The following CACNA2D3 variants were observed in gnomAD, a reference collection of about 807,000 sequenced individuals.
CACNA2D3 encodes the protein calcium voltage-gated channel auxiliary subunit alpha2delta 3.
Under a neutral mutation model 160.6 loss-of-function variants are expected in CACNA2D3, and 60 were observed. That is an observed-to-expected ratio of 0.37 (90% CI 0.30 to 0.46). The LOEUF is 0.46. Ranked by LOEUF, CACNA2D3 falls within the 20% of genes least tolerant of loss-of-function variation. The pLI, the probability that CACNA2D3 is intolerant of heterozygous loss-of-function variation, is 1.00. For synonymous variants in CACNA2D3, 558 were observed against 492.9 expected (o/e 1.13, Z -1.75); for missense variants, 1,205 against 1,365.0 (o/e 0.88, Z 1.85).
intron 3 of CACNA2D3, among the ~76,000 whole-genome samples, chr3:54,382,372 G>A (rs371736238): frequency 1.3e-5 from 2 of 152,162 alleles, no homozygotes; most frequent in Non-Finnish European, 2.9e-5. Context: ...AATGACATTT[G>A]CTAAGAAAAG....
rs116423616 is a variant in CACNA2D3, at chr3:54,932,980, C to T, written c.2449+33112C>T. On this transcript the variant is annotated intron_variant, in intron 27 of 37. Coordinates refer to ENST00000474759, the MANE Select transcript of CACNA2D3 (RefSeq NM_018398.3). ...TTCCTAGGAATTGTGGATGACCAAA[C>T]GGCACCCAGGTACACAGTTTATACA... 4.6e-3 allele frequency among the ~76,000 whole-genome samples: 700 copies of T among 152,248 alleles called. 8 individuals carry two copies. Among genetic ancestry groups the T allele is most frequent in the African/African-American group, 0.016 (651 of 41,540 alleles).
intron 4 of CACNA2D3, among the ~76,000 whole-genome samples, chr3:54,394,279 G>A (rs1699334062): frequency 6.6e-6 from 1 of 150,504 alleles, no homozygotes; most frequent in Non-Finnish European, 1.5e-5. Context: ...ATCCTGGTGT[G>A]TAGGCAATCT....
intron 12 of CACNA2D3, among the ~76,000 whole-genome samples, chr3:54,755,210 T>G (rs1701948758): frequency 6.6e-6 from 1 of 152,120 alleles, no homozygotes; most frequent in African/African-American, 2.4e-5. Flanking sequence ...CTCACCCCTT[T>G]GAAGAGATTA....
intron 2 of CACNA2D3, among the ~76,000 whole-genome samples, chr3:54,263,327 G>A (rs1165123157): frequency 6.6e-6 from 1 of 152,178 alleles, no homozygotes; most frequent in Non-Finnish European, 1.5e-5. Context: ...TAGTATACAT[G>A]TATTAAGTGC....
At chr3:54,453,833 C>A (rs755237408) in intron 4 of CACNA2D3, among the ~76,000 whole-genome samples, 7 of 152,144 alleles carry the variant, frequency 4.6e-5, no homozygotes, top group African/African-American at 1.7e-4. Flanking sequence ...ATTATTAGTT[C>A]GAGCTGTGCA....
intron 26 of CACNA2D3, among the ~76,000 whole-genome samples, chr3:54,898,201 C>T (rs557730516): frequency 1.5e-5 from 2 of 129,996 alleles, no homozygotes; most frequent in African/African-American, 5.8e-5. Flanking sequence ...CTTTTCCTCT[C>T]TCTCTCTCTT....
In CACNA2D3 at chr3:54,284,998, A is replaced by G. The variant is rs866735625; in HGVS notation, c.205-35444A>G. Among the ~76,000 whole-genome samples the G allele has an allele frequency of 1.1e-4, 17 of 152,352 alleles. No individual in the cohort carries two copies. The Middle Eastern group carries it at 0.017, about 152-fold the overall frequency. On this transcript the variant is annotated intron_variant, in intron 2 of 37. Transcript: ENST00000474759. ...ACAGCTCTGGTCTACAGCTCCCAGC[A>G]TGAGCGATGCAGAAGACGGGTGATT...
rs139062725 is a variant in CACNA2D3 at position 54,378,055 on chromosome 3, C to T, written c.322-8660C>T. ...ACACCTTCTGAGTAAGCCCTGGAAA[C>T]GTATAATTAAGGGCTGGAACAGAAT... On this transcript the variant is annotated intron_variant, in intron 3 of 37. Transcript: ENST00000474759. Among the ~76,000 whole-genome samples the T allele has an allele frequency of 1.1e-3, 169 of 152,218 alleles. 3 individuals carry two copies. Among genetic ancestry groups the T allele is most frequent in the African/African-American group, 3.6e-3 (149 of 41,526 alleles).
chr3:54,936,387 A>G (rs995120971), intron 27 of CACNA2D3, among the ~76,000 whole-genome samples: 5 of 152,138 alleles, frequency 3.3e-5, no homozygotes, highest in African/African-American at 9.7e-5. Flanking sequence ...ATCAAGTGCA[A>G]TCTCAGTGAA....
intron 27 of CACNA2D3, among the ~76,000 whole-genome samples, chr3:54,912,116 C>T (rs1700568170): frequency 6.6e-6 from 1 of 152,094 alleles, no homozygotes; most frequent in Admixed American, 6.6e-5. Flanking sequence ...GTTTGTTGGC[C>T]AGAGACCTCT....
intron 2 of CACNA2D3, among the ~76,000 whole-genome samples, chr3:54,278,682 C>T (rs569797767): frequency 6.6e-6 from 1 of 152,204 alleles, no homozygotes; most frequent in South Asian, 2.1e-4. Flanking sequence ...ATGTCCTTTG[C>T]AGGGACATGG....
chr3:54,153,064 A>T (rs530510740), intron 2 of CACNA2D3, among the ~76,000 whole-genome samples: 1 of 152,224 alleles, frequency 6.6e-6, no homozygotes, highest in Non-Finnish European at 1.5e-5. Context: ...TTGGAGAAGA[A>T]TGCAAACAGA....
At chr3:54,509,129 G>A (rs528070970) in intron 5 of CACNA2D3, among the ~76,000 whole-genome samples, 19 of 152,250 alleles carry the variant, frequency 1.2e-4, no homozygotes, top group East Asian at 9.7e-4. Context: ...ATATTTTAAG[G>A]AAAATTTAAT....
chr3:54,918,854 T>C (rs1473001399), intron 27 of CACNA2D3: 1 of 1,568,288 alleles, frequency 6.4e-7, no homozygotes, highest in African/African-American at 1.4e-5. Flanking sequence ...CCCTTCCAGG[T>C]GTCTGGTGAT....
intron 18 of CACNA2D3, among the ~76,000 whole-genome samples, chr3:54,877,477 G>A (rs763216151): frequency 6.6e-6 from 1 of 152,140 alleles, no homozygotes; most frequent in Non-Finnish European, 1.5e-5. Context: ...TTAATGGGAT[G>A]GGTGCTGGCA....
chr3:54,640,850 A>C lies in CACNA2D3; in HGVS notation c.1054-1278A>C, dbSNP rs186859955. Among the ~76,000 whole-genome samples, 375 of 152,268 alleles carry C rather than the reference A, an allele frequency of 2.5e-3. 2 individuals are homozygous for C. The highest frequency in any genetic ancestry group is 8.6e-3 in the African/African-American group (359 of 41,552). ...TAGCCTCATTTAGATTTTGAAAGAGATATTGTCTCTCAAGTAGCCCATTGT... is the reference window on the plus strand; with the variant it reads ...TAGCCTCATTTAGATTTTGAAAGAGCTATTGTCTCTCAAGTAGCCCATTGT... On this transcript the variant is annotated intron_variant, in intron 10 of 37. Coordinates refer to ENST00000474759, the MANE Select transcript of CACNA2D3 (RefSeq NM_018398.3).
intron 31 of CACNA2D3, among the ~76,000 whole-genome samples, chr3:54,988,067 A>T (rs911350110): frequency 6.6e-6 from 1 of 152,206 alleles, no homozygotes; most frequent in Non-Finnish European, 1.5e-5. Context: ...GAAGTAGGAA[A>T]GGTTTTCACC....
intron 4 of CACNA2D3, among the ~76,000 whole-genome samples, chr3:54,409,167 G>GT (rs1559473683): frequency 3.3e-5 from 5 of 152,234 alleles, no homozygotes; most frequent in African/African-American, 4.8e-5. Flanking sequence ...TACTGGTGCC[G>GT]TTTTTTCCAA....
intron 11 of CACNA2D3, among the ~76,000 whole-genome samples, chr3:54,650,174 A>T (rs1699732975): frequency 6.6e-6 from 1 of 151,214 alleles, no homozygotes; most frequent in Admixed American, 6.6e-5. Context: ...AAACAATTGT[A>T]GGGTAGCTTG....
Sources: allele counts gnomAD v4.1 joint callset (sites outside exome capture counted in the v4.1 genomes callset), GRCh38; gene constraint gnomAD v4.1.1; transcripts MANE v1.5; gene names NCBI Gene and HGNC (gene_info 2026-07-23, HGNC 2026-07-21).